The following NT5DC4 variants were observed in gnomAD, a reference collection of about 807,000 sequenced individuals.
NT5DC4 encodes the protein 5'-nucleotidase domain containing 4.
A neutral mutation model predicts 26.6 loss-of-function variants in NT5DC4; 44 were observed. That is an observed-to-expected ratio of 1.65 (90% confidence interval 1.30 to 2.13). The LOEUF (loss-of-function observed/expected upper bound fraction) is 2.13. NT5DC4 is among the 30% of genes most tolerant of loss of function. The pLI is 0.00. For synonymous variants in NT5DC4, 157 were observed against 86.7 expected, an observed-to-expected ratio of 1.81 and a Z score of -4.51; for missense variants, 399 against 228.1, an observed-to-expected ratio of 1.75 and a Z score of -4.83.
intron 16 of NT5DC4, chr2:112,736,743 T>C (rs1473850278): frequency 6.6e-6 from 1 of 152,244 alleles, no homozygotes; most frequent in Non-Finnish European, 1.5e-5. Context: ...TCCAGGTCCA[T>C]CTATGTTGTG....
downstream of NT5DC4, among the ~76,000 whole-genome samples, chr2:112,741,328 C>CT (rs1679947574): frequency 6.6e-6 from 1 of 152,130 alleles, no homozygotes; most frequent in Admixed American, 6.5e-5. Context: ...AGGGACTAAT[C>CT]ACTGGCCTTC....
chr2:112,730,349 A>G (rs1558738560), intron 16 of NT5DC4, among the ~76,000 whole-genome samples: 1 of 150,862 alleles, frequency 6.6e-6, no homozygotes, highest in Non-Finnish European at 1.5e-5. Flanking sequence ...TTGGATCCAA[A>G]AGGGCGACAG....
intron 11 of NT5DC4, 78 bp from the exon 12 acceptor site, chr2:112,725,096 C>A: frequency 1.5e-6 from 1 of 671,212 alleles, no homozygotes; most frequent in Middle Eastern, 2.4e-4. Flanking sequence ...CTGCCACTCC[C>A]AGCTCCCTGC....
In NT5DC4 at chr2:112,725,388, C is replaced by T. The variant is rs375784474; in HGVS notation, c.989C>T (p.Ser330Leu). The change falls in exon 13 of 17, where the codon TCG (serine) becomes TTG (leucine). Residue 330 changes from serine (S) to leucine (L), a missense_variant. Transcript: ENST00000688554. Reference sequence around the variant, plus strand: ...CCTCCCCTTGGTGGGGCAGGCTCTTCGGACATGGTGTGCGAGCTGCTTGGG... The same window carrying T: ...CCTCCCCTTGGTGGGGCAGGCTCTTTGGACATGGTGTGCGAGCTGCTTGGG... ...QHCAVYSGGS[S>L]DMVCELLGVR... The T allele has an allele frequency of 2.0e-4, 138 of 705,622 alleles. No homozygotes were observed. Among genetic ancestry groups the T allele is most frequent in the South Asian group, 1.7e-3 (117 of 67,080 alleles). 43.7% of individuals were successfully genotyped at this position (705,622 alleles called of 1,614,324 possible). A position where few individuals can be genotyped will look rare whatever the true frequency, so the allele number is the denominator to read the frequency against.
downstream of NT5DC4, chr2:112,742,856 T>C (rs1680062289): frequency 1.2e-6 from 1 of 846,924 alleles, no homozygotes; most frequent in Non-Finnish European, 1.9e-6. Context: ...ATACATGTTT[T>C]ATAATAAAAG....
chr2:112,728,056 G>A (rs528467389), intron 15 of NT5DC4, among the ~76,000 whole-genome samples: 1 of 152,364 alleles, frequency 6.6e-6, no homozygotes, highest in South Asian at 2.1e-4. Context: ...CTTGCTAGGA[G>A]CTTGCAAGGT....
intron 16 of NT5DC4, chr2:112,737,859 TAAAC>T (rs950912786): frequency 1.3e-5 from 2 of 152,182 alleles, no homozygotes; most frequent in African/African-American, 4.8e-5. Flanking sequence ...ATAAATAAGA[TAAAC>T]AAGCAGGAAC....
Position 112,723,803 on chromosome 2 carries a change from G to C in NT5DC4, c.756+1G>C. The C allele has an allele frequency of 2.8e-6, 2 of 716,580 alleles. No homozygotes were observed. The highest frequency in any genetic ancestry group is 2.6e-6 in the Non-Finnish European group (1 of 384,724). 44.4% of individuals were successfully genotyped at this position (716,580 alleles called of 1,614,324 possible). ...CAACAGCAGCTACAACTACACCAAT[G>C]TGAGTATGTGTATGGAGGGGTGGAC... is the stretch of plus-strand genomic sequence containing the variant. On this transcript the variant is annotated splice_donor_variant, in intron 9 of 16. Coordinates refer to ENST00000688554, the MANE Select transcript of NT5DC4 (RefSeq NM_001393655.1). LOFTEE classifies it high-confidence loss of function.
At chr2:112,728,122 C>T (rs1272106354) in intron 15 of NT5DC4, among the ~76,000 whole-genome samples, 3 of 152,272 alleles carry the variant, frequency 2.0e-5, no homozygotes, top group Non-Finnish European at 4.4e-5. Context: ...TTGCAGATAA[C>T]TGTCTGTGTC....
Position 112,721,704 on chromosome 2 carries a change from C to T in NT5DC4, c.75-114C>T, listed in dbSNP as rs1676883425. 7 of 714,798 alleles carry T rather than the reference C, an allele frequency of 9.8e-6. No homozygotes were observed. The South Asian group carries it at 1.0e-4, about 11-fold the overall frequency. 44.3% of individuals were successfully genotyped at this position (714,798 alleles called of 1,614,324 possible). On this transcript the variant is annotated intron_variant, in intron 1 of 16. Transcript: ENST00000688554. ...TGACCTGCTTCCCCTGTGCTTTCTG[C>T]AGCTGCAGGGGGTGCTCTGCCCTCC...
intron 16 of NT5DC4, among the ~76,000 whole-genome samples, chr2:112,735,366 TGTAAA>T (rs1345630377): frequency 4.6e-5 from 7 of 152,110 alleles, no homozygotes; most frequent in Admixed American, 2.0e-4. Flanking sequence ...TTTTATAGTA[TGTAAA>T]AGACTCAGCC....
At chr2:112,734,045 C>T (rs1038613432) in intron 16 of NT5DC4, among the ~76,000 whole-genome samples, 1 of 152,082 alleles carries the variant, frequency 6.6e-6, no homozygotes, top group African/African-American at 2.4e-5. Context: ...GCAGGACTGA[C>T]ATTTATTAAC....
chr2:112,721,544 C>A (rs1214051451), intron 1 of NT5DC4: 1 of 717,838 alleles, frequency 1.4e-6, no homozygotes, highest in Admixed American at 2.0e-5. Context: ...AACATGCCTG[C>A]ATGGTGGGAC....
At chr2:112,726,414 G>C in intron 14 of NT5DC4, 125 bp downstream of exon 14, 1 of 681,770 alleles carries the variant, frequency 1.5e-6, no homozygotes, top group Non-Finnish European at 2.7e-6. Context: ...TCTGTTTCAG[G>C]CTGGGCTTCC....
chr2:112,726,839 C>T (rs765476765), intron 15 of NT5DC4, 101 bp downstream of exon 15: 27 of 704,660 alleles, frequency 3.8e-5, no homozygotes, highest in Non-Finnish European at 6.4e-5. Flanking sequence ...GTGCCAAAGG[C>T]CCAGTTACCC....
chr2:112,720,009 TTTC>T (rs1676747427), upstream of NT5DC4, among the ~76,000 whole-genome samples: 11 of 123,116 alleles, frequency 8.9e-5, no homozygotes, highest in African/African-American at 3.5e-4. Context: ...TTTCTTTTCT[TTTC>T]CCTTCCTTCC....
At chr2:112,730,903 A>G (rs567339283) in intron 16 of NT5DC4, among the ~76,000 whole-genome samples, 2 of 152,306 alleles carry the variant, frequency 1.3e-5, no homozygotes, top group East Asian at 3.9e-4. Flanking sequence ...AGAGAGATGG[A>G]CACACTCCTG....
At chr2:112,728,000 G>A (rs924140894) in intron 15 of NT5DC4, among the ~76,000 whole-genome samples, 2 of 152,200 alleles carry the variant, frequency 1.3e-5, no homozygotes, top group Non-Finnish European at 2.9e-5. Context: ...GAATCTCCAC[G>A]GCTGTTTGTG....
chr2:112,737,626 C>T (rs1176221977), intron 16 of NT5DC4: 1 of 152,102 alleles, frequency 6.6e-6, no homozygotes, highest in Non-Finnish European at 1.5e-5. Flanking sequence ...GCTGGTATTA[C>T]AGGTTTATAG....
Sources: allele counts gnomAD v4.1 joint callset (sites outside exome capture counted in the v4.1 genomes callset), GRCh38; gene constraint gnomAD v4.1.1; transcripts MANE v1.5; gene names NCBI Gene and HGNC (gene_info 2026-07-23, HGNC 2026-07-21).